RABGAP1L: variants seen among roughly 807,000 people sequenced by gnomAD.
RABGAP1L encodes the protein RAB GTPase activating protein 1 like.
RABGAP1L carries 63 observed loss-of-function variants against 137.7 expected under a neutral mutation model. That is an observed-to-expected ratio of 0.46 (90% CI 0.37 to 0.56). The LOEUF (loss-of-function observed/expected upper bound fraction) is 0.56. Ranked by LOEUF, RABGAP1L falls within the 20% of genes least tolerant of loss-of-function variation. The pLI is 0.00. For synonymous variants in RABGAP1L, 431 were observed against 433.7 expected (o/e 0.99, Z 0.08); for missense variants, 1,095 against 1,244.0 (o/e 0.88, Z 1.80).
At chr1:174,383,005 AACAG>A (rs1365708521) in intron 12 of RABGAP1L, among the ~76,000 whole-genome samples, 6 of 150,918 alleles carry the variant, frequency 4.0e-5, no homozygotes, top group South Asian at 2.1e-4. Flanking sequence ...TTTTCCTTCT[AACAG>A]ACAGGACCCT....
intron 19 of RABGAP1L, among the ~76,000 whole-genome samples, chr1:174,923,010 C>A (rs1662076461): frequency 6.6e-6 from 1 of 151,982 alleles, no homozygotes; most frequent in African/African-American, 2.4e-5. Context: ...CTTGTCTCTA[C>A]AGAAATATCA....
At chr1:174,383,890 T>C (rs1686474702) in intron 12 of RABGAP1L, among the ~76,000 whole-genome samples, 1 of 152,184 alleles carries the variant, frequency 6.6e-6, no homozygotes, top group African/African-American at 2.4e-5. Flanking sequence ...CATGGTATTT[T>C]ATAAAATTGA....
chr1:174,451,874 T>G (rs1655492017), intron 13 of RABGAP1L, among the ~76,000 whole-genome samples: 1 of 152,210 alleles, frequency 6.6e-6, no homozygotes. Context: ...GGTTTACTTT[T>G]GTTATTTCCC....
intron 15 of RABGAP1L, among the ~76,000 whole-genome samples, chr1:174,690,791 A>T (rs1418269912): frequency 6.6e-6 from 1 of 150,876 alleles, no homozygotes; most frequent in Non-Finnish European, 1.5e-5. Context: ...TGAAGACATG[A>T]TAAATAACCT....
intron 23 of RABGAP1L, among the ~76,000 whole-genome samples, chr1:174,979,990 T>C (rs1670955955): frequency 1.3e-5 from 2 of 152,240 alleles, no homozygotes; most frequent in African/African-American, 2.4e-5. Context: ...AAAATGTGTT[T>C]TTTTGCTTAT....
At position 174,990,207 on chromosome 1, in the gene RABGAP1L, C is replaced by A; in HGVS notation, c.*206C>A. ...TCTATGTTGAATACCTATTTTCCAG[C>A]TTCTGGAAGGCCATGTTCAGATCCA... is the stretch of plus-strand genomic sequence containing the variant. On this transcript the variant is annotated 3_prime_UTR_variant, in exon 26 of 26. Transcript: ENST00000681986. 1.8e-6 allele frequency: 1 copy of A among 545,712 alleles called. No individual in the cohort carries two copies. Among genetic ancestry groups the A allele is most frequent in the Non-Finnish European group, 2.9e-6 (1 of 339,126 alleles). 33.8% of individuals were successfully genotyped at this position (545,712 alleles called of 1,614,324 possible). A position where few individuals can be genotyped will look rare whatever the true frequency, so the allele number is the denominator to read the frequency against.
intron 13 of RABGAP1L, among the ~76,000 whole-genome samples, chr1:174,617,096 G>A (rs534516109): frequency 3.3e-5 from 5 of 152,270 alleles, no homozygotes; most frequent in African/African-American, 1.2e-4. Context: ...CAGCTAGGAT[G>A]TATATTTACC....
At chr1:174,884,882 T>C (rs1221567699) in intron 19 of RABGAP1L, among the ~76,000 whole-genome samples, 8 of 152,248 alleles carry the variant, frequency 5.3e-5, no homozygotes, top group Non-Finnish European at 4.4e-5. Context: ...GATTTATAGT[T>C]CTACCATCTG....
At chr1:174,523,194 G>T (rs191153623) in intron 13 of RABGAP1L, among the ~76,000 whole-genome samples, 2 of 152,238 alleles carry the variant, frequency 1.3e-5, no homozygotes, top group East Asian at 3.9e-4. Context: ...GTTCCCCAGG[G>T]ATATAGCTCA....
intron 19 of RABGAP1L, among the ~76,000 whole-genome samples, chr1:174,813,808 T>C (rs139194655): frequency 1.2e-3 from 184 of 152,308 alleles, no homozygotes; most frequent in Admixed American, 2.4e-3. Flanking sequence ...GTGGTGAGTT[T>C]GAAAGGTAGG....
chr1:174,789,540 G>A (rs1054312913), intron 18 of RABGAP1L, among the ~76,000 whole-genome samples: 6 of 152,166 alleles, frequency 3.9e-5, no homozygotes, highest in Admixed American at 6.5e-5. Context: ...GAAGGGCAAA[G>A]ACTGTAAGCT....
At chr1:174,303,998 CAG>C (rs1429476104) in intron 10 of RABGAP1L, among the ~76,000 whole-genome samples, 1 of 152,102 alleles carries the variant, frequency 6.6e-6, no homozygotes, top group Non-Finnish European at 1.5e-5. Flanking sequence ...TTCTCCATCT[CAG>C]GGGGAAATTA....
chr1:174,600,874 C>A (rs1307817213), intron 13 of RABGAP1L, among the ~76,000 whole-genome samples: 1 of 152,192 alleles, frequency 6.6e-6, no homozygotes, highest in Non-Finnish European at 1.5e-5. Flanking sequence ...ACTAGGCAGT[C>A]CCCCTGTGGG....
intron 20 of RABGAP1L, among the ~76,000 whole-genome samples, chr1:174,961,260 T>TTTTATACAGGTTCCCAGAAGACACACA: frequency 6.6e-6 from 1 of 152,326 alleles, no homozygotes; most frequent in Admixed American, 6.5e-5. Context: ...ATGTTTTCAT[T>TTTTATACAGGTTCCCAGAAGACACACA]TTTATACAGG....
chr1:174,781,821 G>T (rs1251926013), intron 18 of RABGAP1L, among the ~76,000 whole-genome samples: 1 of 152,122 alleles, frequency 6.6e-6, no homozygotes, highest in African/African-American at 2.4e-5. Flanking sequence ...TGTTAAATGG[G>T]AATCCTTTCC....
intron 11 of RABGAP1L, among the ~76,000 whole-genome samples, chr1:174,348,470 A>AT (rs1362719714): frequency 2.1e-5 from 3 of 145,214 alleles, no homozygotes; most frequent in Non-Finnish European, 3.1e-5. Flanking sequence ...TTTTTAATTT[A>AT]TTTTTTTATT....
intron 13 of RABGAP1L, among the ~76,000 whole-genome samples, chr1:174,533,839 T>G (rs549802246): frequency 6.6e-6 from 1 of 151,948 alleles, no homozygotes; most frequent in African/African-American, 2.4e-5. Context: ...CCCAGCAAAT[T>G]TTTTGTATTT....
At position 174,194,235 on chromosome 1, in the gene RABGAP1L, C is replaced by CTT. The variant is rs59046200; in HGVS notation, c.-33-24875_-33-24874dup. On this transcript the variant is annotated intron_variant, in intron 1 of 25. Coordinates refer to ENST00000681986, the MANE Select transcript of RABGAP1L (RefSeq NM_001366446.1). ...CTACGGGATTAGGCTTCAGTTAATT[C>CTT]TTTTTTTTTTTTTTTTGGAGACGGA... Among the ~76,000 whole-genome samples the CTT allele has an allele frequency of 1.3e-3, 182 of 137,004 alleles. 1 individual carries two copies. The highest frequency in any genetic ancestry group is 3.7e-3 in the Middle Eastern group (1 of 270). The allele number at this position is 137,004 out of a possible 152,430, so 89.9% of individuals were successfully genotyped here.
intron 5 of RABGAP1L, chr1:174,245,333 A>G (rs1189311838): frequency 1.3e-5 from 2 of 152,386 alleles, no homozygotes; most frequent in East Asian, 3.9e-4. Flanking sequence ...GGGCTTCCCA[A>G]AGTGCTGGGA....
Sources: gnomAD v4.1 joint callset for allele counts (sites outside exome capture counted in the v4.1 genomes callset) on GRCh38, gnomAD v4.1.1 for gene constraint, MANE v1.5 for transcripts, NCBI Gene and HGNC (gene_info 2026-07-23, HGNC 2026-07-21) for gene names.